The following SVIL variants were observed in gnomAD, a reference collection of about 807,000 sequenced individuals.
SVIL encodes the protein archvillin.
In SVIL, 101 loss-of-function variants were observed where a neutral mutation model predicts 240.4. That is an observed-to-expected ratio of 0.42 (90% CI 0.36 to 0.50). SVIL has a LOEUF of 0.50. Ranked by LOEUF, SVIL falls within the 20% of genes least tolerant of loss-of-function variation. The pLI is 0.01. For missense variants in SVIL, 2,512 were observed against 2,818.7 expected, an observed-to-expected ratio of 0.89 and a Z score of 2.46; for synonymous variants, 999 against 1,100.0, an observed-to-expected ratio of 0.91 and a Z score of 1.82.
chr10:29,652,290 A>C (rs1283463830), intron 3 of SVIL, among the ~76,000 whole-genome samples: 1 of 151,868 alleles, frequency 6.6e-6, no homozygotes, highest in Non-Finnish European at 1.5e-5. Flanking sequence ...TTCACATAAA[A>C]GGAATTATAC....
intron 1 of SVIL, among the ~76,000 whole-genome samples, chr10:29,592,975 T>C (rs1956447901): frequency 6.6e-6 from 1 of 152,180 alleles, no homozygotes; most frequent in South Asian, 2.1e-4. Flanking sequence ...TTTATTAAAT[T>C]GTTGTAGGGA....
chr10:29,611,457 G>A (rs1666469898), intron 1 of SVIL, among the ~76,000 whole-genome samples: 1 of 151,628 alleles, frequency 6.6e-6, no homozygotes, highest in South Asian at 2.1e-4. Flanking sequence ...CAAGCAGGAC[G>A]GCATGTAATA....
chr10:29,556,387 A>G (rs2505922), intron 3 of SVIL, among the ~76,000 whole-genome samples: 74,510 of 151,904 alleles, frequency 0.49, 18,337 homozygotes, highest in Admixed American at 0.57. Context: ...TTCAATTTCC[A>G]TTTTCTTTTC....
At chr10:29,604,696 C>G (rs1008408115) in intron 1 of SVIL, among the ~76,000 whole-genome samples, 4 of 151,970 alleles carry the variant, frequency 2.6e-5, no homozygotes, top group African/African-American at 4.8e-5. Flanking sequence ...TCTGAAGTAG[C>G]TAGGTCTACA....
intron 29 of SVIL, among the ~76,000 whole-genome samples, chr10:29,475,174 C>A (rs185484814): frequency 6.6e-6 from 1 of 152,162 alleles, no homozygotes; most frequent in Non-Finnish European, 1.5e-5. Context: ...TACAGGCATG[C>A]GTCACCATGT....
Position 29,599,786 on chromosome 10 carries a change from T to C in SVIL, c.-200-30474A>G, listed in dbSNP as rs1956743707. Among the ~76,000 whole-genome samples, 3 of 152,078 alleles carry C rather than the reference T, an allele frequency of 2.0e-5. No homozygotes were observed. The South Asian group carries it at 6.2e-4, about 31-fold the overall frequency. On this transcript the variant is annotated intron_variant, in intron 1 of 37. Coordinates refer to ENST00000355867, the MANE Select transcript of SVIL (RefSeq NM_021738.3). ...CAAAATCAATTTCCCAACGGTCAGA[T>C]AGACAGGATATGGGTGGCTCGCAGG...
chr10:29,468,006 C>T lies in SVIL; in HGVS notation c.5844-131G>A, dbSNP rs574213795. The T allele has an allele frequency of 1.4e-5, 14 of 1,030,400 alleles. No individual in the cohort carries two copies. In the South Asian group the frequency reaches 2.2e-4, roughly 16 times the overall value. The allele number at this position is 1,030,400 out of a possible 1,614,324, so 63.8% of individuals were successfully genotyped here. On this transcript the variant is annotated intron_variant, in intron 32 of 37. Transcript: ENST00000355867. Reference sequence around the variant, plus strand: ...TATAATTCACATGTCATAAAATTCACTCTTTTTATGTGTACAGATTTCAGT... The same window carrying T: ...TATAATTCACATGTCATAAAATTCATTCTTTTTATGTGTACAGATTTCAGT...
At chr10:29,496,793 G>A (rs1022958319) in intron 18 of SVIL, among the ~76,000 whole-genome samples, 1 of 152,202 alleles carries the variant, frequency 6.6e-6, no homozygotes, top group Non-Finnish European at 1.5e-5. Flanking sequence ...AGTGGCATTT[G>A]GTAGTAAGAA....
chr10:29,610,329 A>G (rs1054025452), intron 1 of SVIL, among the ~76,000 whole-genome samples: 1 of 151,818 alleles, frequency 6.6e-6, no homozygotes, highest in African/African-American at 2.4e-5. Context: ...TCCATCCTCC[A>G]TAGGGCCACA....
chr10:29,550,162 G>T (rs972192914), intron 6 of SVIL, among the ~76,000 whole-genome samples: 1 of 151,966 alleles, frequency 6.6e-6, no homozygotes, highest in African/African-American at 2.4e-5. Context: ...CTTAGGCCAG[G>T]TACGGTGGCT....
At chr10:29,643,479 C>G (rs1958553375) in intron 3 of SVIL, among the ~76,000 whole-genome samples, 1 of 152,150 alleles carries the variant, frequency 6.6e-6, no homozygotes, top group African/African-American at 2.4e-5. Flanking sequence ...CAGAGACATG[C>G]TGTAGTCTAC....
chr10:29,571,640 G>A (rs1026238931), intron 1 of SVIL, among the ~76,000 whole-genome samples: 1 of 152,206 alleles, frequency 6.6e-6, no homozygotes, highest in Non-Finnish European at 1.5e-5. Flanking sequence ...TGAGGTAGAA[G>A]CTATTAAGTT....
intron 1 of SVIL, among the ~76,000 whole-genome samples, chr10:29,696,470 C>T (rs1185253285): frequency 6.7e-6 from 1 of 149,990 alleles, no homozygotes; most frequent in Admixed American, 6.6e-5. Flanking sequence ...AAGTGAGGAG[C>T]GTCTCTGCCC....
intron 1 of SVIL, among the ~76,000 whole-genome samples, chr10:29,602,560 C>A (rs1362097059): frequency 6.6e-6 from 1 of 152,194 alleles, no homozygotes; most frequent in Admixed American, 6.5e-5. Flanking sequence ...GAAGTCAGGC[C>A]TTCTATGAAA....
rs1193400487 is a variant in SVIL, at chr10:29,520,990, G to A, written c.3389+1420C>T. Among the ~76,000 whole-genome samples the A allele has an allele frequency of 3.3e-5, 5 of 151,648 alleles. No homozygotes were observed. In the South Asian group the frequency reaches 8.3e-4, roughly 25 times the overall value. On this transcript the variant is annotated intron_variant, in intron 16 of 37. Coordinates refer to ENST00000355867, the MANE Select transcript of SVIL (RefSeq NM_021738.3). ...TGTAATCCCAGCACTTTGGGAGGCC[G>A]AGGCAGGCGGATCAGGAGGTCAGGA...
At chr10:29,604,480 C>A (rs1340832199) in intron 1 of SVIL, among the ~76,000 whole-genome samples, 1 of 148,862 alleles carries the variant, frequency 6.7e-6, no homozygotes, top group Admixed American at 6.9e-5. Flanking sequence ...CCTCGGCCTT[C>A]CCAAAGTGTT....
chr10:29,690,762 A>T (rs1169130729), intron 1 of SVIL, among the ~76,000 whole-genome samples: 1 of 152,184 alleles, frequency 6.6e-6, no homozygotes, highest in Non-Finnish European at 1.5e-5. Flanking sequence ...ATTTCATTCG[A>T]ACACAACCCA....
chr10:29,719,868 T>TG (rs1963869403), intron 1 of SVIL, among the ~76,000 whole-genome samples: 1 of 152,092 alleles, frequency 6.6e-6, no homozygotes, highest in South Asian at 2.1e-4. Context: ...GGATTCCACA[T>TG]GGGGGGCACA....
intron 1 of SVIL, chr10:29,576,135 A>T: frequency 3.0e-6 from 3 of 985,232 alleles, no homozygotes; most frequent in Non-Finnish European, 3.6e-6. Context: ...CATTTTCGTT[A>T]TGATGAAAGT....
Sources: allele counts gnomAD v4.1 joint callset (sites outside exome capture counted in the v4.1 genomes callset), GRCh38; gene constraint gnomAD v4.1.1; transcripts MANE v1.5; gene names NCBI Gene and HGNC (gene_info 2026-07-23, HGNC 2026-07-21).